Variants in PREB observed in about 807,000 individuals in gnomAD.
PREB encodes prolactin regulatory element binding.
Under a neutral mutation model 46.7 loss-of-function variants are expected in PREB, and 29 were observed. That is an observed-to-expected ratio of 0.62 (90% CI 0.46 to 0.85). The LOEUF (loss-of-function observed/expected upper bound fraction) is 0.85. Ranked by LOEUF, PREB falls within the 40% of genes least tolerant of loss-of-function variation. The pLI is 0.00. For synonymous variants in PREB, 224 were observed against 220.1 expected, an observed-to-expected ratio of 1.02 and a Z score of -0.16; for missense variants, 494 against 528.4, an observed-to-expected ratio of 0.93 and a Z score of 0.64.
In PREB at chr2:27,130,910, AC is replaced by A. The variant is rs1672224193; in HGVS notation, c.*503del. ...AGCTGGCTTAGTGCTACCCATCTGA[AC>A]CCCCAGATTACTACCCAAGTCTTCC... On this transcript the variant is annotated 3_prime_UTR_variant, in exon 9 of 9. Transcript: ENST00000260643. The A allele has an allele frequency of 2.6e-6, 2 of 773,310 alleles. No homozygotes were observed. The highest frequency in any genetic ancestry group is 1.7e-5 in the African/African-American group (1 of 57,324). The allele number at this position is 773,310 out of a possible 1,614,324, so 47.9% of individuals were successfully genotyped here.
chr2:27,131,597 G>A (rs531493106), intron 8 of PREB, 75 bp downstream of exon 8: 2 of 1,597,560 alleles, frequency 1.3e-6, no homozygotes, highest in Non-Finnish European at 1.7e-6. Flanking sequence ...GGCACAAAGA[G>A]CCCAGCCTCC....
chr2:27,132,935 C>T lies in PREB; in HGVS notation c.547-12G>A. 6.2e-7 allele frequency: 1 copy of T among 1,613,996 alleles called. No individual in the cohort carries two copies. Among genetic ancestry groups the T allele is most frequent in the Non-Finnish European group, 8.5e-7 (1 of 1,179,962 alleles). Reference sequence around the variant, plus strand: ...TCCAGGCTGGGCACCTGTAGCCAAACAACCACCATGGTTAACTCAGGTGTC... The same window carrying T: ...TCCAGGCTGGGCACCTGTAGCCAAATAACCACCATGGTTAACTCAGGTGTC... On this transcript the variant is annotated splice_polypyrimidine_tract_variant and intron_variant, in intron 3 of 8. Coordinates refer to ENST00000260643, the MANE Select transcript of PREB (RefSeq NM_013388.6). The surrounding 1 kb of genome is among the most constrained non-coding windows in gnomAD (Gnocchi z 4.0).
rs780853223 is a variant in PREB, at chr2:27,132,410, G to A, written c.753-7C>T. ...GTCTGGAACCTGCCCAAACCTGGGG[G>A]CCGGATGAGGGGCTATTCAGCTCCT... On this transcript the variant is annotated splice_region_variant and splice_polypyrimidine_tract_variant and intron_variant, in intron 5 of 8. Coordinates refer to ENST00000260643, the MANE Select transcript of PREB (RefSeq NM_013388.6). The surrounding 1 kb of genome is among the most constrained non-coding windows in gnomAD (Gnocchi z 4.0). 6 of 1,608,636 alleles carry A rather than the reference G, an allele frequency of 3.7e-6. No individual in the cohort carries two copies. The African/African-American group carries it at 6.7e-5, about 18-fold the overall frequency.
Position 27,131,057 on chromosome 2 carries a change from G to A in PREB, c.*357C>T. 1 of 518,224 alleles carries A rather than the reference G, an allele frequency of 1.9e-6. No homozygotes were observed. Among genetic ancestry groups the A allele is most frequent in the Non-Finnish European group, 3.5e-6 (1 of 288,510 alleles). 32.1% of individuals were successfully genotyped at this position (518,224 alleles called of 1,614,324 possible). A position where few individuals can be genotyped will look rare whatever the true frequency, so the allele number is the denominator to read the frequency against. On this transcript the variant is annotated 3_prime_UTR_variant, in exon 9 of 9. Coordinates refer to ENST00000260643, the MANE Select transcript of PREB (RefSeq NM_013388.6). ...GAGGGGAGGAGGAGAAACTGTTTCTGCAGGAAGGACAGCAGTGCCTCCAGG... is the reference window on the plus strand; with the variant it reads ...GAGGGGAGGAGGAGAAACTGTTTCTACAGGAAGGACAGCAGTGCCTCCAGG...
intron 1 of PREB, 39 bp downstream of exon 1, chr2:27,134,248 C>T: frequency 6.5e-7 from 1 of 1,532,334 alleles, no homozygotes; most frequent in Non-Finnish European, 8.8e-7. Flanking sequence ...CGCCGCCAGC[C>T]CGCAGCAAGA....
At chr2:27,134,022 A>G in intron 1 of PREB, 2 of 611,498 alleles carry the variant, frequency 3.3e-6, no homozygotes, top group Non-Finnish European at 5.6e-6. Flanking sequence ...CCAGTATAAG[A>G]CCCCTGGAGC....
Position 27,131,239 on chromosome 2 carries a change from A to C in PREB, c.*175T>G. ...CGAAGGCAAGGTTCCTGGGACCTGG[A>C]GTCACACAGGGCCATAGCCAAGCCT... On this transcript the variant is annotated 3_prime_UTR_variant, in exon 9 of 9. Transcript: ENST00000260643. 1.6e-6 allele frequency: 1 copy of C among 635,396 alleles called. No homozygotes were observed. The highest frequency in any genetic ancestry group is 2.7e-5 in the East Asian group (1 of 36,640). 39.4% of individuals were successfully genotyped at this position (635,396 alleles called of 1,614,324 possible).
Position 27,132,237 on chromosome 2 carries a change from C to G in PREB, c.919G>C (p.Asp307His). 1 of 1,614,174 alleles carries G rather than the reference C, an allele frequency of 6.2e-7. No homozygotes were observed. The highest frequency in any genetic ancestry group is 1.1e-5 in the South Asian group (1 of 91,074). ...SCGHEVVSCL[D>H]VSESGTFLGL... ...GGCAGCAATGTCTCACACCTGACAT[C>G]GAGGCAGGAGACGACTTCATGGCCA... is the stretch of plus-strand genomic sequence containing the variant. The change falls in exon 6 of 9, where the codon GAT (aspartate) becomes CAT (histidine). Residue 307 changes from aspartate (D) to histidine (H), a missense_variant. Coordinates refer to ENST00000260643, the MANE Select transcript of PREB (RefSeq NM_013388.6). This position sits in a 1 kb window ranked among gnomAD's most constrained non-coding sequence, Gnocchi z 4.0.
chr2:27,132,124 G>T lies in PREB; in HGVS notation c.927-42C>A. Reference sequence around the variant, plus strand: ...AGAGCTCATTGTCCTGGAGGCTTGTGCAGCAACCCTCATACCCCAATACCG... The same window carrying T: ...AGAGCTCATTGTCCTGGAGGCTTGTTCAGCAACCCTCATACCCCAATACCG... On this transcript the variant is annotated intron_variant, in intron 6 of 8. Transcript: ENST00000260643. The surrounding 1 kb of genome is among the most constrained non-coding windows in gnomAD (Gnocchi z 4.0). 6.2e-7 allele frequency: 1 copy of T among 1,609,734 alleles called. No individual in the cohort carries two copies. Among genetic ancestry groups the T allele is most frequent in the South Asian group, 1.1e-5 (1 of 90,974 alleles).
At position 27,132,338 on chromosome 2, in the gene PREB, C is replaced by A. The variant is rs772676549; in HGVS notation, c.818G>T (p.Arg273Leu). 16 of 1,613,922 alleles carry A rather than the reference C, an allele frequency of 9.9e-6. No individual in the cohort carries two copies. The highest frequency in any genetic ancestry group is 1.7e-4 in the Middle Eastern group (1 of 6,026). ...GTAGCAGGGAGGGGGCTGGCGCAGG[C>A]GCTTGTGGGGAATTTGCACTGTGAA... ...RLFTVQIPHK[R>L]LRQPPPCYLT... Residue 273 changes from arginine (R) to leucine (L), a missense_variant, in exon 6 of 9, where the codon CGC becomes CTC. By Grantham distance (102) the Arg-to-Leu change is moderately radical. Transcript: ENST00000260643. This position sits in a 1 kb window ranked among gnomAD's most constrained non-coding sequence, Gnocchi z 4.0.
chr2:27,132,892 T>A lies in PREB; in HGVS notation c.578A>T (p.Lys193Ile), dbSNP rs373636488. ...VPSLEKVLEF[K>I]AHEGEIEDLA... ...GTCTTCAATCTCCCCTTCGTGGGCT[T>A]TGAACTCCAGAACCTTCTCCAGGCT... Residue 193 changes from lysine (K) to isoleucine (I), a missense_variant, in exon 4 of 9, where the codon AAA (lysine) becomes ATA (isoleucine). Coordinates refer to ENST00000260643, the MANE Select transcript of PREB (RefSeq NM_013388.6). This position sits in a 1 kb window ranked among gnomAD's most constrained non-coding sequence, Gnocchi z 4.0. The A allele has an allele frequency of 5.0e-6, 8 of 1,613,956 alleles. No homozygotes were observed. In the African/African-American group the frequency reaches 9.3e-5, roughly 19 times the overall value.
At position 27,130,896 on chromosome 2, in the gene PREB, T is replaced by C; in HGVS notation, c.*518A>G. 1 of 900,948 alleles carries C rather than the reference T, an allele frequency of 1.1e-6. No individual in the cohort carries two copies. The highest frequency in any genetic ancestry group is 1.7e-6 in the Non-Finnish European group (1 of 600,814). The allele number at this position is 900,948 out of a possible 1,614,324, so 55.8% of individuals were successfully genotyped here. On this transcript the variant is annotated 3_prime_UTR_variant, in exon 9 of 9. Transcript: ENST00000260643. ...TGCATCTTTAGGCCAGCTGGCTTAG[T>C]GCTACCCATCTGAACCCCCAGATTA...
Position 27,131,477 on chromosome 2 carries a change from C to G in PREB, c.1191G>C (p.Leu397=). Residue 397 remains leucine, a synonymous_variant, in exon 9 of 9, where the codon CTG becomes CTC. Transcript: ENST00000260643. ...RSVPVWLLLL[L]CVGLIIVTIL... ...TGGTCACAATAATAAGCCCGACACACAGCAGGAGCAGGAGCCACACAGGAA... is the reference window on the plus strand; with the variant it reads ...TGGTCACAATAATAAGCCCGACACAGAGCAGGAGCAGGAGCCACACAGGAA... The G allele has an allele frequency of 6.3e-7, 1 of 1,581,142 alleles. No individual in the cohort carries two copies. The highest frequency in any genetic ancestry group is 8.6e-7 in the Non-Finnish European group (1 of 1,163,058).
In PREB at chr2:27,132,154, G is replaced by T. The variant is rs754093615; in HGVS notation, c.927-72C>A. The T allele has an allele frequency of 1.2e-6, 2 of 1,607,592 alleles. No homozygotes were observed. The highest frequency in any genetic ancestry group is 1.1e-5 in the South Asian group (1 of 90,924). On this transcript the variant is annotated intron_variant, in intron 6 of 8. Transcript: ENST00000260643. This position sits in a 1 kb window ranked among gnomAD's most constrained non-coding sequence, Gnocchi z 4.0. ...AACCCTCATACCCCAATACCGGTCC[G>T]TAGGGACCCAGGCAGGACTCCTTTC...
At chr2:27,133,388 T>C (rs1672367599) in intron 2 of PREB, 51 bp from the exon 3 acceptor site, 6 of 1,606,774 alleles carry the variant, frequency 3.7e-6, no homozygotes, top group Non-Finnish European at 5.1e-6. Context: ...TAAGGAGTAC[T>C]GGCCCCTCTC....
chr2:27,134,056 T>A (rs374759292), intron 1 of PREB: 16 of 658,362 alleles, frequency 2.4e-5, no homozygotes, highest in Middle Eastern at 4.2e-4. Flanking sequence ...AGCTGAAGCG[T>A]TCCTGGCGAC....
rs1672278855 is a variant in PREB at position 27,131,688 on chromosome 2, A to G, written c.1143T>C (p.His381=). 6.2e-7 allele frequency: 1 copy of G among 1,614,072 alleles called. No homozygotes were observed. Among genetic ancestry groups the G allele is most frequent in the African/African-American group, 1.3e-5 (1 of 75,018 alleles). Residue 381 remains histidine (H), a synonymous_variant, in exon 8 of 9, where the codon CAT becomes CAC. Coordinates refer to ENST00000260643, the MANE Select transcript of PREB (RefSeq NM_013388.6). ...ATGACTCACGCCGTGAGGGCAACAG[A>G]TGCAGCTGGCAACGACTGTCCACAG... is the stretch of plus-strand genomic sequence containing the variant. ...SVAVDSRCQL[H]LLPSRRSVPV...
chr2:27,132,324 G>A lies in PREB; in HGVS notation c.832C>T (p.Pro278Ser), dbSNP rs768259002. Residue 278 changes from proline (P) to serine (S), a missense_variant, in exon 6 of 9, where the codon CCT becomes TCT. By Grantham distance (74) the Pro-to-Ser change is moderately conservative (BLOSUM62 -1). Coordinates refer to ENST00000260643, the MANE Select transcript of PREB (RefSeq NM_013388.6). This position sits in a 1 kb window ranked among gnomAD's most constrained non-coding sequence, Gnocchi z 4.0. ...QIPHKRLRQP[P>S]PCYLTAWDGS... ...TCCCAGGCTGTGAGGTAGCAGGGAGGGGGCTGGCGCAGGCGCTTGTGGGGA... is the reference window on the plus strand; with the variant it reads ...TCCCAGGCTGTGAGGTAGCAGGGAGAGGGCTGGCGCAGGCGCTTGTGGGGA... 2 of 1,614,008 alleles carry A rather than the reference G, an allele frequency of 1.2e-6. No homozygotes were observed. Among genetic ancestry groups the A allele is most frequent in the Non-Finnish European group, 1.7e-6 (2 of 1,180,000 alleles).
chr2:27,134,173 C>T, intron 1 of PREB, 114 bp downstream of exon 1: 6 of 1,332,788 alleles, frequency 4.5e-6, no homozygotes, highest in Non-Finnish European at 5.9e-6. Context: ...GTCTTCCCAA[C>T]AGAAGTGGGC....
Sources: allele counts gnomAD v4.1 joint callset, GRCh38; gene constraint gnomAD v4.1.1; non-coding constraint Gnocchi (gnomAD v3.1); transcripts MANE v1.5; gene names NCBI Gene and HGNC (gene_info 2026-07-23, HGNC 2026-07-21).